Variants in ZNF26 observed in about 807,000 individuals in gnomAD.
The protein encoded by ZNF26 is zinc finger protein 26.
In ZNF26, 32 loss-of-function variants were observed where a neutral mutation model predicts 54.9. That is an observed-to-expected ratio of 0.58 (90% CI 0.44 to 0.78). The LOEUF (loss-of-function observed/expected upper bound fraction) is 0.78, where lower values mean the gene tolerates loss of function less well. ZNF26 is among the 30% of genes least tolerant of loss of function. The pLI, the probability that ZNF26 is intolerant of heterozygous loss-of-function variation, is 0.00. For missense variants in ZNF26, 524 were observed against 634.0 expected, an observed-to-expected ratio of 0.83 and a Z score of 1.86; for synonymous variants, 221 against 209.2, an observed-to-expected ratio of 1.06 and a Z score of -0.49.
rs968053019 is a variant in ZNF26, at chr12:133,001,681, G to A, written c.34-5361G>A. ...GCTAATGAGCTCAAGTGTCAAGTTC[G>A]GGAATCTTCTGGGTGTTCCTTGGGC... On this transcript the variant is annotated intron_variant, in intron 1 of 3. Coordinates refer to ENST00000328654, the MANE Select transcript of ZNF26 (RefSeq NM_019591.4). This position sits in a 1 kb window ranked among gnomAD's most constrained non-coding sequence, Gnocchi z 4.7. The A allele has an allele frequency of 1.7e-5, 22 of 1,289,018 alleles. No homozygotes were observed. Among genetic ancestry groups the A allele is most frequent in the African/African-American group, 3.0e-5 (2 of 65,856 alleles). The allele number at this position is 1,289,018 out of a possible 1,614,324, so 79.8% of individuals were successfully genotyped here.
chr12:132,994,970 A>C (rs954550926), intron 1 of ZNF26, among the ~76,000 whole-genome samples: 1 of 152,134 alleles, frequency 6.6e-6, no homozygotes, highest in African/African-American at 2.4e-5. Context: ...GACATTGTCA[A>C]ATGCCCCCGG....
chr12:133,011,402 A>T lies in ZNF26; in HGVS notation c.1523A>T (p.Lys508Ile). 6.2e-7 allele frequency: 1 copy of T among 1,605,654 alleles called. No homozygotes were observed. Among genetic ancestry groups the T allele is most frequent in the Non-Finnish European group, 8.5e-7 (1 of 1,176,628 alleles). The stretch of plus-strand genomic sequence containing the variant: ...CATCAGAGAGTTCACACCGGAGAGA[A>T]ACCATGGAAATGCTCTGAATGTGGG... ...SEHQRVHTGE[K>I]PWKCSECGKS... The change falls in exon 4 of 4, where the codon AAA becomes ATA. Residue 508 changes from lysine to isoleucine, a missense_variant. Coordinates refer to ENST00000328654, the MANE Select transcript of ZNF26 (RefSeq NM_019591.4).
chr12:132,986,590 C>G lies in ZNF26; in HGVS notation c.-251C>G. 1 of 579,380 alleles carries G rather than the reference C, an allele frequency of 1.7e-6. No individual in the cohort carries two copies. The highest frequency in any genetic ancestry group is 3.1e-6 in the Non-Finnish European group (1 of 323,668). 35.9% of individuals were successfully genotyped at this position (579,380 alleles called of 1,614,324 possible). ...AGATCAGCCTCCTGCTCTCCCGAGT[C>G]AGGGCCACGGAAAGGCACAAATCCA... On this transcript the variant is annotated 5_prime_UTR_variant, in exon 1 of 4. Transcript: ENST00000328654.
chr12:132,996,053 G>A (rs988695486), intron 1 of ZNF26, among the ~76,000 whole-genome samples: 30 of 152,146 alleles, frequency 2.0e-4, no homozygotes, highest in African/African-American at 6.5e-4. Context: ...CTGTTTAGGG[G>A]CTGTACTCTG....
intron 3 of ZNF26, 95 bp from the exon 4 acceptor site, chr12:133,010,041 G>A: frequency 1.5e-6 from 2 of 1,306,662 alleles, no homozygotes; most frequent in Non-Finnish European, 2.1e-6. Flanking sequence ...TACCAAAAGA[G>A]AAAGGTTGAT....
rs1338672529 is a variant in ZNF26 at position 133,024,283 on chromosome 12, G to C, written c.*12802G>C. ...ATTAGCAGAGTCTAAAAGTCATCAA[G>C]GAGGTTGCTGGTGAGAGCTTGAAGG... On this transcript the variant is annotated 3_prime_UTR_variant, in exon 4 of 4. Transcript: ENST00000328654. 5 of 152,176 alleles carry C rather than the reference G, an allele frequency of 3.3e-5. No individual in the cohort carries two copies. The highest frequency in any genetic ancestry group is 3.3e-4 in the Admixed American group (5 of 15,272). 9.4% of individuals were successfully genotyped at this position (152,176 alleles called of 1,614,324 possible).
chr12:133,006,737 A>G, intron 1 of ZNF26: 1 of 246,058 alleles, frequency 4.1e-6, no homozygotes. Context: ...TAGGATTACA[A>G]GTGCCTGCCA....
chr12:132,999,067 A>G (rs1953153223), intron 1 of ZNF26, among the ~76,000 whole-genome samples: 1 of 152,186 alleles, frequency 6.6e-6, no homozygotes, highest in Admixed American at 6.5e-5. Context: ...ACTGCCATCC[A>G]CAAATCAAGC....
At chr12:133,003,668 C>T (rs1298672476) in intron 1 of ZNF26, among the ~76,000 whole-genome samples, 2 of 152,184 alleles carry the variant, frequency 1.3e-5, no homozygotes, top group East Asian at 1.9e-4. Flanking sequence ...TCTCTCTGTT[C>T]CTACTTTCAA....
At position 132,986,649 on chromosome 12, in the gene ZNF26, T is replaced by G; in HGVS notation, c.-192T>G. Reference sequence around the variant, plus strand: ...ACTCCTGGTACCCAGACCGGGAGGTTGTCTAGTCACGCGCGGTCTGTGTTG... The same window carrying G: ...ACTCCTGGTACCCAGACCGGGAGGTGGTCTAGTCACGCGCGGTCTGTGTTG... On this transcript the variant is annotated 5_prime_UTR_variant, in exon 1 of 4. Coordinates refer to ENST00000328654, the MANE Select transcript of ZNF26 (RefSeq NM_019591.4). 1 of 604,210 alleles carries G rather than the reference T, an allele frequency of 1.7e-6. No homozygotes were observed. Among genetic ancestry groups the G allele is most frequent in the Non-Finnish European group, 2.9e-6 (1 of 340,348 alleles). 37.4% of individuals were successfully genotyped at this position (604,210 alleles called of 1,614,324 possible).
rs1953504590 is a variant in ZNF26, at chr12:133,012,595, T to TG, written c.*1114_*1115insG. The stretch of plus-strand genomic sequence containing the variant: ...TTGTTTGGGTTTTTTTTTTTTTTTT[T>TG]TTTTTTTTTTTTTTGAGACTAAGTT... On this transcript the variant is annotated 3_prime_UTR_variant, in exon 4 of 4. Coordinates refer to ENST00000328654, the MANE Select transcript of ZNF26 (RefSeq NM_019591.4). 1 of 130,270 alleles carries TG rather than the reference T, an allele frequency of 7.7e-6. No homozygotes were observed. Among genetic ancestry groups the TG allele is most frequent in the Non-Finnish European group, 1.6e-5 (1 of 60,808 alleles). 8.1% of individuals were successfully genotyped at this position (130,270 alleles called of 1,614,324 possible). A position where few individuals can be genotyped will look rare whatever the true frequency, so the allele number is the denominator to read the frequency against.
At position 133,001,200 on chromosome 12, in the gene ZNF26, G is replaced by A. The variant is rs1482832465; in HGVS notation, c.34-5842G>A. ...GGCTTCCTGTCAGCCCTTCCCTAGT[G>A]CTCGTCGTGAGGAGAGCTGATGATG... On this transcript the variant is annotated intron_variant, in intron 1 of 3. Transcript: ENST00000328654. This position sits in a 1 kb window ranked among gnomAD's most constrained non-coding sequence, Gnocchi z 4.7. 6.6e-6 allele frequency among the ~76,000 whole-genome samples: 1 copy of A among 152,104 alleles called. No homozygotes were observed. Among genetic ancestry groups the A allele is most frequent in the East Asian group, 1.9e-4 (1 of 5,190 alleles).
chr12:133,003,258 T>C (rs1371406405), intron 1 of ZNF26, among the ~76,000 whole-genome samples: 17 of 90,798 alleles, frequency 1.9e-4, no homozygotes, highest in African/African-American at 9.2e-4. Flanking sequence ...TTCCCTTTTC[T>C]TTTTTTTTTT....
rs1342557849 is a variant in ZNF26, at chr12:133,023,597, A to G, written c.*12116A>G. On this transcript the variant is annotated 3_prime_UTR_variant, in exon 4 of 4. Coordinates refer to ENST00000328654, the MANE Select transcript of ZNF26 (RefSeq NM_019591.4). The stretch of plus-strand genomic sequence containing the variant: ...GAACCATAGGAAATTACAATAATCA[A>G]CCATGTTTTACATATGTGGCAGATT... 3 of 151,866 alleles carry G rather than the reference A, an allele frequency of 2.0e-5. No individual in the cohort carries two copies. Among genetic ancestry groups the G allele is most frequent in the Non-Finnish European group, 4.4e-5 (3 of 68,000 alleles). The allele number at this position is 151,866 out of a possible 1,614,324, so 9.4% of individuals were successfully genotyped here. A position where few individuals can be genotyped will look rare whatever the true frequency, so the allele number is the denominator to read the frequency against.
At chr12:132,995,668 T>C (rs1953065174) in intron 1 of ZNF26, among the ~76,000 whole-genome samples, 1 of 152,288 alleles carries the variant, frequency 6.6e-6, no homozygotes, top group Admixed American at 6.5e-5. Flanking sequence ...GTGGTTTTTT[T>C]TGAGACAGAG....
At position 132,986,428 on chromosome 12, in the gene ZNF26, G is replaced by A; in HGVS notation, c.-413G>A. The A allele has an allele frequency of 5.1e-6, 1 of 195,148 alleles. No individual in the cohort carries two copies. Among genetic ancestry groups the A allele is most frequent in the East Asian group, 1.2e-4 (1 of 8,202 alleles). 12.1% of individuals were successfully genotyped at this position (195,148 alleles called of 1,614,324 possible). A position where few individuals can be genotyped will look rare whatever the true frequency, so the allele number is the denominator to read the frequency against. On this transcript the variant is annotated 5_prime_UTR_variant, in exon 1 of 4. Transcript: ENST00000328654. ...GTTTCCGGCTTAGACTCAGTGGACC[G>A]GAATCTGGCCAGCGGGTGTACCTGG...
At chr12:133,000,164 A>AAAATTTTCTTTTT (rs2137234456) in intron 1 of ZNF26, among the ~76,000 whole-genome samples, 1 of 152,260 alleles carries the variant, frequency 6.6e-6, no homozygotes, top group African/African-American at 2.4e-5. Flanking sequence ...TCTTGGTCAT[A>AAAATTTTCTTTTT]AAATTTTCTT....
intron 1 of ZNF26, among the ~76,000 whole-genome samples, chr12:132,993,329 C>T (rs1953004418): frequency 6.6e-6 from 1 of 150,584 alleles, no homozygotes; most frequent in South Asian, 2.1e-4. Flanking sequence ...CTGGCCTGCC[C>T]ATCTGTTCTT....
rs1239409645 is a variant in ZNF26, at chr12:133,024,261, A to C, written c.*12780A>C. 6.6e-6 allele frequency: 1 copy of C among 152,244 alleles called. No individual in the cohort carries two copies. The highest frequency in any genetic ancestry group is 1.5e-5 in the Non-Finnish European group (1 of 68,052). The allele number at this position is 152,244 out of a possible 1,614,324, so 9.4% of individuals were successfully genotyped here. On this transcript the variant is annotated 3_prime_UTR_variant, in exon 4 of 4. Transcript: ENST00000328654. ...CCCAGTGGGCTTTGGGGATGGTATT[A>C]GCAGAGTCTAAAAGTCATCAAGGAG...
Sources: allele counts gnomAD v4.1 joint callset (sites outside exome capture counted in the v4.1 genomes callset), GRCh38; gene constraint gnomAD v4.1.1; non-coding constraint Gnocchi (gnomAD v3.1); transcripts MANE v1.5; gene names NCBI Gene and HGNC (gene_info 2026-07-23, HGNC 2026-07-21).